TLE4: variants seen among roughly 807,000 people sequenced by gnomAD.
TLE4 encodes the protein transducin-like enhancer protein 4.
A neutral mutation model predicts 92.8 loss-of-function variants in TLE4; 8 were observed. That is an observed-to-expected ratio of 0.09 (90% CI 0.05 to 0.16). TLE4 has a LOEUF of 0.16. Ranked by LOEUF, TLE4 falls within the 10% of genes least tolerant of loss-of-function variation. TLE4 has a pLI of 1.00. For synonymous variants in TLE4, 371 were observed against 374.1 expected, an observed-to-expected ratio of 0.99 and a Z score of 0.10; for missense variants, 675 against 997.6, an observed-to-expected ratio of 0.68 and a Z score of 4.36.
At chr9:79,575,611 A>G (rs1474050033) in intron 3 of TLE4, among the ~76,000 whole-genome samples, 3 of 152,192 alleles carry the variant, frequency 2.0e-5, no homozygotes, top group Non-Finnish European at 4.4e-5. Flanking sequence ...GCATATTTTT[A>G]TGATTGTCCA....
chr9:79,647,267 A>G, intron 6 of TLE4, among the ~76,000 whole-genome samples: 1 of 152,326 alleles, frequency 6.6e-6, no homozygotes. Flanking sequence ...TATATGTAGT[A>G]GAAGCTTAAC....
chr9:79,652,778 C>A lies in TLE4; in HGVS notation c.576C>A (p.Asp192Glu). The A allele has an allele frequency of 6.2e-7, 1 of 1,614,120 alleles. No individual in the cohort carries two copies. Among genetic ancestry groups the A allele is most frequent in the African/African-American group, 1.3e-5 (1 of 75,036 alleles). Residue 192 changes from aspartate (D) to glutamate (E), a missense_variant, in exon 7 of 20, where the codon GAC (aspartate) becomes GAA (glutamate). Physicochemically the swap from Asp to Glu is conservative, Grantham distance 45. Coordinates refer to ENST00000376552, the MANE Select transcript of TLE4 (RefSeq NM_007005.6). ...LPIKDEKKHHDNDHQRDRDSI... is the reference protein window; with the variant it reads ...LPIKDEKKHHENDHQRDRDSI... ...TTAAAGATGAGAAGAAGCACCATGACAATGATCACCAAAGAGGTGAGTAAC... is the reference window on the plus strand; with the variant it reads ...TTAAAGATGAGAAGAAGCACCATGAAAATGATCACCAAAGAGGTGAGTAAC...
chr9:79,698,477 A>G (rs1203612994), intron 8 of TLE4, among the ~76,000 whole-genome samples: 1 of 152,226 alleles, frequency 6.6e-6, no homozygotes, highest in East Asian at 1.9e-4. Context: ...TATGGAGATT[A>G]TATTAAATCT....
At chr9:79,621,688 G>A (rs1031258565) in intron 5 of TLE4, among the ~76,000 whole-genome samples, 5 of 152,074 alleles carry the variant, frequency 3.3e-5, no homozygotes, top group Admixed American at 2.6e-4. Context: ...GCTCAGCCCC[G>A]GCAGTGTTTA....
At chr9:79,668,533 A>C (rs2061765558) in intron 8 of TLE4, among the ~76,000 whole-genome samples, 1 of 152,210 alleles carries the variant, frequency 6.6e-6, no homozygotes, top group African/African-American at 2.4e-5. Context: ...AGGTCACCGT[A>C]TCTTGTAACC....
chr9:79,716,633 G>A (rs1314828298), intron 14 of TLE4, among the ~76,000 whole-genome samples: 1 of 152,134 alleles, frequency 6.6e-6, no homozygotes, highest in Middle Eastern at 3.2e-3. Flanking sequence ...TCTTGCTCTG[G>A]CCTTCGAATT....
chr9:79,656,832 G>T (rs978601797), intron 8 of TLE4, among the ~76,000 whole-genome samples: 1 of 152,140 alleles, frequency 6.6e-6, no homozygotes, highest in East Asian at 1.9e-4. Flanking sequence ...AAGTAATTTA[G>T]GTACTTTACC....
intron 6 of TLE4, among the ~76,000 whole-genome samples, chr9:79,631,225 A>G (rs1418484291): frequency 6.6e-6 from 1 of 152,202 alleles, no homozygotes; most frequent in East Asian, 1.9e-4. Context: ...TTTCAGAATG[A>G]CAGCGTAAAC....
rs184234993 is a variant in TLE4 at position 79,606,743 on chromosome 9, A to T, written c.253-5913A>T. 6.8e-3 allele frequency among the ~76,000 whole-genome samples: 1,042 copies of T among 152,220 alleles called. 13 individuals are homozygous for T. The highest frequency in any genetic ancestry group is 0.023 in the African/African-American group (959 of 41,522). On this transcript the variant is annotated intron_variant, in intron 4 of 19. Transcript: ENST00000376552. The stretch of plus-strand genomic sequence containing the variant: ...ATGGCTGCATAGTATTCCATGGTGT[A>T]TATGTACCACATTTTCTTAATCCAG...
At chr9:79,649,710 A>G in intron 6 of TLE4, 1 of 849,532 alleles carries the variant, frequency 1.2e-6, no homozygotes, top group Non-Finnish European at 1.7e-6. Flanking sequence ...AAAACCAAAC[A>G]AGGACCTCAG....
chr9:79,601,747 A>G (rs1040773433), intron 4 of TLE4, among the ~76,000 whole-genome samples: 4 of 152,116 alleles, frequency 2.6e-5, no homozygotes, highest in African/African-American at 4.8e-5. Flanking sequence ...AGGCCAATTA[A>G]TAACCCTACA....
intron 8 of TLE4, among the ~76,000 whole-genome samples, chr9:79,668,194 C>T (rs1369937382): frequency 6.6e-6 from 1 of 152,196 alleles, no homozygotes; most frequent in Non-Finnish European, 1.5e-5. Context: ...CCCAGACGAG[C>T]TGTGAGCAGC....
intron 8 of TLE4, among the ~76,000 whole-genome samples, chr9:79,679,655 C>T (rs1202942219): frequency 1.3e-5 from 2 of 152,106 alleles, no homozygotes; most frequent in African/African-American, 4.8e-5. Flanking sequence ...CTTCTCTTGC[C>T]ATTGCTTTTG....
At chr9:79,622,835 T>A (rs980511306) in intron 5 of TLE4, among the ~76,000 whole-genome samples, 11 of 152,226 alleles carry the variant, frequency 7.2e-5, no homozygotes, top group Admixed American at 1.3e-4. Context: ...CTGTTTTATA[T>A]CCTGTATTCC....
rs954378564 is a variant in TLE4 at position 79,572,356 on chromosome 9, A to C, written c.-435A>C. 6.6e-6 allele frequency: 1 copy of C among 152,176 alleles called. No individual in the cohort carries two copies. The highest frequency in any genetic ancestry group is 1.5e-5 in the Non-Finnish European group (1 of 68,024). The allele number at this position is 152,176 out of a possible 1,614,324, so 9.4% of individuals were successfully genotyped here. On this transcript the variant is annotated 5_prime_UTR_variant, in exon 1 of 20. Transcript: ENST00000376552. Reference sequence around the variant, plus strand: ...GAAAGATCATTCATTCGGAGGAATAACAACCAATTAAAAGACAAATAAAAA... The same window carrying C: ...GAAAGATCATTCATTCGGAGGAATACCAACCAATTAAAAGACAAATAAAAA...
chr9:79,641,875 T>G (rs1180649102), intron 6 of TLE4, among the ~76,000 whole-genome samples: 4 of 152,042 alleles, frequency 2.6e-5, no homozygotes, highest in Non-Finnish European at 5.9e-5. Flanking sequence ...GTTGGCCTGG[T>G]TTAGCGTTCT....
At chr9:79,676,880 AG>A (rs1291557379) in intron 8 of TLE4, among the ~76,000 whole-genome samples, 1 of 152,188 alleles carries the variant, frequency 6.6e-6, no homozygotes, top group African/African-American at 2.4e-5. Flanking sequence ...AGATATTCTC[AG>A]TGAAATGTTG....
intron 6 of TLE4, among the ~76,000 whole-genome samples, chr9:79,628,313 CT>C (rs898255151): frequency 1.9e-3 from 284 of 148,388 alleles, no homozygotes; most frequent in African/African-American, 5.5e-3. Flanking sequence ...ACACAAAAGT[CT>C]TTTTTTTTTC....
chr9:79,617,191 G>T (rs185480697), intron 5 of TLE4, among the ~76,000 whole-genome samples: 1 of 152,140 alleles, frequency 6.6e-6, no homozygotes, highest in Non-Finnish European at 1.5e-5. Context: ...TGCAGCTCCA[G>T]TAGCTGCTTC....
Sources: allele counts gnomAD v4.1 joint callset (sites outside exome capture counted in the v4.1 genomes callset), GRCh38; gene constraint gnomAD v4.1.1; transcripts MANE v1.5; gene names NCBI Gene and HGNC (gene_info 2026-07-23, HGNC 2026-07-21).